The following PPP1R18 variants were observed in gnomAD, a reference collection of about 807,000 sequenced individuals.
PPP1R18 encodes the protein protein phosphatase 1 regulatory subunit 18.
PPP1R18 carries 31 observed loss-of-function variants against 54.8 expected under a neutral mutation model. The observed-to-expected ratio is 0.57, with a 90% CI of 0.43 to 0.76. The LOEUF (loss-of-function observed/expected upper bound fraction) is 0.76. PPP1R18 is among the 30% of genes least tolerant of loss of function. The pLI is 0.00. For synonymous variants in PPP1R18, 310 were observed against 320.2 expected, an observed-to-expected ratio of 0.97 and a Z score of 0.34; for missense variants, 685 against 776.1, an observed-to-expected ratio of 0.88 and a Z score of 1.39.
intron 2 of PPP1R18, among the ~76,000 whole-genome samples, chr6:30,677,865 A>AATAAATAC (rs1770284469): frequency 6.6e-6 from 1 of 151,936 alleles, no homozygotes; most frequent in Non-Finnish European, 1.5e-5. Flanking sequence ...TAAATAAATA[A>AATAAATAC]ATAAATAAAA....
At position 30,683,439 on chromosome 6, in the gene PPP1R18, A is replaced by G. The variant is rs1770672341; in HGVS notation, c.1611+969T>C. Among the ~76,000 whole-genome samples, 4 of 152,172 alleles carry G rather than the reference A, an allele frequency of 2.6e-5. No individual in the cohort carries two copies. Among genetic ancestry groups the G allele is most frequent in the South Asian group, 2.1e-4 (1 of 4,832 alleles). The stretch of plus-strand genomic sequence containing the variant: ...TAACCTCTGACCCTCTGCTGGCCTC[A>G]GCCCCAACCCCTGTCCAGAACTCCC... On this transcript the variant is annotated intron_variant, in intron 1 of 2. Coordinates refer to ENST00000274853, the MANE Select transcript of PPP1R18 (RefSeq NM_133471.4). This position sits in a 1 kb window ranked among gnomAD's most constrained non-coding sequence, Gnocchi z 5.1.
In PPP1R18 at chr6:30,686,615, G is replaced by A. The variant is rs1770964295; in HGVS notation, c.-597C>T. 6.5e-6 allele frequency: 1 copy of A among 153,452 alleles called. No individual in the cohort carries two copies. The allele number at this position is 153,452 out of a possible 1,614,324, so 9.5% of individuals were successfully genotyped here. On this transcript the variant is annotated 5_prime_UTR_variant, in exon 1 of 3. Coordinates refer to ENST00000274853, the MANE Select transcript of PPP1R18 (RefSeq NM_133471.4). ...AAACCAGGGAAGAGGGGAAAGGAGG[G>A]CGGCGGCAGCAGCCGGGCGCGTCTC...
At chr6:30,679,528 G>A in intron 1 of PPP1R18, 139 bp from the exon 2 acceptor site, 1 of 410,360 alleles carries the variant, frequency 2.4e-6, no homozygotes, top group Middle Eastern at 6.7e-4. Context: ...GGGGGTGGGG[G>A]CTGGACTCAG....
chr6:30,683,734 C>T lies in PPP1R18; in HGVS notation c.1611+674G>A, dbSNP rs1770687355. ...TGGCCCAGCTGGGGGTGTGCAACCC[C>T]GAGGTCACCCACTTCAAATGGCCTC... On this transcript the variant is annotated intron_variant, in intron 1 of 2. Transcript: ENST00000274853. This position sits in a 1 kb window ranked among gnomAD's most constrained non-coding sequence, Gnocchi z 5.1. Among the ~76,000 whole-genome samples the T allele has an allele frequency of 6.6e-6, 1 of 151,978 alleles. No individual in the cohort carries two copies. The highest frequency in any genetic ancestry group is 2.4e-5 in the African/African-American group (1 of 41,348).
rs146454972 is a variant in PPP1R18, at chr6:30,680,887, C to T, written c.1612-1498G>A. Among the ~76,000 whole-genome samples, 403 of 151,942 alleles carry T rather than the reference C, an allele frequency of 2.7e-3. 1 individual carries two copies. The highest frequency in any genetic ancestry group is 4.9e-3 in the Non-Finnish European group (334 of 67,938). On this transcript the variant is annotated intron_variant, in intron 1 of 2. Coordinates refer to ENST00000274853, the MANE Select transcript of PPP1R18 (RefSeq NM_133471.4). Reference sequence around the variant, plus strand: ...GATCACAAGGTCAAGAGATTGAGACCATCCTGGCCAACATGGTGAAACCTG... The same window carrying T: ...GATCACAAGGTCAAGAGATTGAGACTATCCTGGCCAACATGGTGAAACCTG...
chr6:30,687,403 CG>C (rs978868851), upstream of PPP1R18: 8 of 152,806 alleles, frequency 5.2e-5, no homozygotes, highest in African/African-American at 1.9e-4. The surrounding 1 kb of genome is among the most constrained non-coding windows in gnomAD (Gnocchi z 7.9). Context: ...GGACTCGCTG[CG>C]GGACTGCCCT....
rs1770389977 is a variant in PPP1R18, at chr6:30,679,237, C to A, written c.1764G>T (p.Glu588Asp). 4 of 1,582,318 alleles carry A rather than the reference C, an allele frequency of 2.5e-6. No individual in the cohort carries two copies. In the South Asian group the frequency reaches 4.5e-5, roughly 18 times the overall value. The stretch of plus-strand genomic sequence containing the variant: ...GGAGCTCTGGCTGCAGCAGCAGCAG[C>A]TCTTCCTCATCCTCTTCGTCGTCGG... ...AQPDDEEDEE[E>D]LLLLQPELQG... The change falls in exon 2 of 3, where the codon GAG (glutamate) becomes GAT (aspartate). Residue 588 changes from glutamate to aspartate, a missense_variant. Physicochemically the swap from Glu to Asp is conservative, Grantham distance 45 (BLOSUM62 2). Transcript: ENST00000274853.
In PPP1R18 at chr6:30,686,257, G is replaced by A. The variant is rs114406765; in HGVS notation, c.-239C>T. On this transcript the variant is annotated 5_prime_UTR_variant, in exon 1 of 3. Transcript: ENST00000274853. ...GTTGTGAGCCCAAGTTGGGGGTGGT[G>A]GGGGTGATGTGAGAGGAAGAGTCCG... 6.8e-4 allele frequency: 352 copies of A among 521,134 alleles called. 3 individuals are homozygous for A. Among genetic ancestry groups the A allele is most frequent in the African/African-American group, 5.7e-3 (292 of 51,466 alleles). The allele number at this position is 521,134 out of a possible 1,614,324, so 32.3% of individuals were successfully genotyped here. A position where few individuals can be genotyped will look rare whatever the true frequency, so the allele number is the denominator to read the frequency against.
At position 30,686,179 on chromosome 6, in the gene PPP1R18, C is replaced by G. The variant is rs1770920731; in HGVS notation, c.-161G>C. 4.5e-6 allele frequency: 3 copies of G among 663,122 alleles called. No individual in the cohort carries two copies. The highest frequency in any genetic ancestry group is 6.2e-5 in the Admixed American group (2 of 32,308). The allele number at this position is 663,122 out of a possible 1,614,324, so 41.1% of individuals were successfully genotyped here. ...AGGGCAGAGGGGCTAAGGATGAGGA[C>G]AGAGGGAAAGACGGAAGGCAGAGAA... On this transcript the variant is annotated 5_prime_UTR_variant, in exon 1 of 3. Coordinates refer to ENST00000274853, the MANE Select transcript of PPP1R18 (RefSeq NM_133471.4).
chr6:30,681,392 T>C, intron 1 of PPP1R18, among the ~76,000 whole-genome samples: 1 of 130,540 alleles, frequency 7.7e-6, no homozygotes, highest in Non-Finnish European at 1.6e-5. Context: ...CACTGTTCTA[T>C]TTTTTTTTCC....
rs147632181 is a variant in PPP1R18 at position 30,676,916 on chromosome 6, C to A, written c.*353G>T. 147 of 427,130 alleles carry A rather than the reference C, an allele frequency of 3.4e-4. No individual in the cohort carries two copies. The highest frequency in any genetic ancestry group is 2.7e-3 in the African/African-American group (131 of 47,784). 26.5% of individuals were successfully genotyped at this position (427,130 alleles called of 1,614,324 possible). A position where few individuals can be genotyped will look rare whatever the true frequency, so the allele number is the denominator to read the frequency against. On this transcript the variant is annotated 3_prime_UTR_variant, in exon 3 of 3. Coordinates refer to ENST00000274853, the MANE Select transcript of PPP1R18 (RefSeq NM_133471.4). ...AGTGCTTAAATCCCGAGAGTCCCCACGGGATGGTGGGGAGGAAGGCTGTGG... is the reference window on the plus strand; with the variant it reads ...AGTGCTTAAATCCCGAGAGTCCCCAAGGGATGGTGGGGAGGAAGGCTGTGG...
In PPP1R18 at chr6:30,685,261, A is replaced by G. The variant is rs988137702; in HGVS notation, c.758T>C (p.Leu253Ser). The part of the protein sequence containing the change: ...PDSRESQEQS[L>S]VQLEATEWRL... ...CCACTCTGTTGCCTCCAGTTGTACCAAACTCTGTTCCTGAGACTCTCTGGA... is the reference window on the plus strand; with the variant it reads ...CCACTCTGTTGCCTCCAGTTGTACCGAACTCTGTTCCTGAGACTCTCTGGA... The change falls in exon 1 of 3, where the codon TTG (leucine) becomes TCG (serine). Residue 253 changes from leucine (L) to serine (S), a missense_variant. By Grantham distance (145) the Leu-to-Ser change is moderately radical. Coordinates refer to ENST00000274853, the MANE Select transcript of PPP1R18 (RefSeq NM_133471.4). The surrounding 1 kb of genome is among the most constrained non-coding windows in gnomAD (Gnocchi z 5.0). 3.1e-6 allele frequency: 5 copies of G among 1,612,878 alleles called. No homozygotes were observed. The highest frequency in any genetic ancestry group is 2.2e-5 in the East Asian group (1 of 44,894).
At chr6:30,682,307 C>G (rs1770592176) in intron 1 of PPP1R18, among the ~76,000 whole-genome samples, 2 of 152,134 alleles carry the variant, frequency 1.3e-5, no homozygotes, top group Non-Finnish European at 2.9e-5. Context: ...GGTCTCTCAG[C>G]CCAACCAAGA....
In PPP1R18 at chr6:30,684,578, G is replaced by A. The variant is rs1770747825; in HGVS notation, c.1441C>T (p.Pro481Ser). Residue 481 changes from proline (P) to serine (S), a missense_variant, in exon 1 of 3, where the codon CCC becomes TCC. Pro to Ser is a moderately conservative substitution (Grantham distance 74, BLOSUM62 -1). Coordinates refer to ENST00000274853, the MANE Select transcript of PPP1R18 (RefSeq NM_133471.4). This position sits in a 1 kb window ranked among gnomAD's most constrained non-coding sequence, Gnocchi z 6.0. ...TFTVNPRRSV[P>S]PATPATPTSP... ...GTTGGGGTGGCTGGGGTCGCAGGGG[G>A]CACAGACCGCCGGGGGTTGACGGTG... The A allele has an allele frequency of 1.0e-5, 16 of 1,605,608 alleles. No individual in the cohort carries two copies. The highest frequency in any genetic ancestry group is 1.3e-5 in the African/African-American group (1 of 74,902).
chr6:30,679,656 G>A (rs2127606850), intron 1 of PPP1R18, among the ~76,000 whole-genome samples: 1 of 152,282 alleles, frequency 6.6e-6, no homozygotes, highest in Admixed American at 6.5e-5. Context: ...ACTTTGCCCT[G>A]TACGTTGGCA....
chr6:30,684,955 T>G lies in PPP1R18; in HGVS notation c.1064A>C (p.Lys355Thr), dbSNP rs1770799721. ...TPRDIEAQTQKPEPPESAEKL... is the reference protein window; with the variant it reads ...TPRDIEAQTQTPEPPESAEKL... ...CTCTGCTGACTCTGGAGGTTCTGGT[T>G]TCTGAGTTTGAGCCTCTATGTCCCT... The change falls in exon 1 of 3, where the codon AAA (lysine) becomes ACA (threonine). Residue 355 changes from lysine (K) to threonine (T), a missense_variant. By Grantham distance (78) the Lys-to-Thr change is moderately conservative. Transcript: ENST00000274853. The surrounding 1 kb of genome is among the most constrained non-coding windows in gnomAD (Gnocchi z 6.0). 6.2e-7 allele frequency: 1 copy of G among 1,613,134 alleles called. No homozygotes were observed. Among genetic ancestry groups the G allele is most frequent in the Non-Finnish European group, 8.5e-7 (1 of 1,180,010 alleles).
At chr6:30,680,925 A>G (rs948361097) in intron 1 of PPP1R18, among the ~76,000 whole-genome samples, 1 of 151,768 alleles carries the variant, frequency 6.6e-6, no homozygotes, top group Non-Finnish European at 1.5e-5. Context: ...TCTACTAAAA[A>G]TACAAAAAAA....
Sources: allele counts gnomAD v4.1 joint callset (sites outside exome capture counted in the v4.1 genomes callset), GRCh38; gene constraint gnomAD v4.1.1; non-coding constraint Gnocchi (gnomAD v3.1); transcripts MANE v1.5; gene names NCBI Gene and HGNC (gene_info 2026-07-23, HGNC 2026-07-21).